The following LMBRD1 variants were observed in gnomAD, a reference collection of about 807,000 sequenced individuals.
LMBRD1 encodes the protein lysosomal cobalamin transport escort protein LMBD1.
A neutral mutation model predicts 74.8 loss-of-function variants in LMBRD1; 64 were observed. The ratio of observed to expected loss-of-function variants is 0.86; its 90% CI spans 0.70 to 1.05. The LOEUF (loss-of-function observed/expected upper bound fraction) is 1.05. Among genes scored for constraint, LMBRD1 ranks in the 50% least tolerant of loss-of-function variants. The pLI is 0.00. For missense variants in LMBRD1, 652 were observed against 645.9 expected (o/e 1.01, Z -0.10); for synonymous variants, 204 against 216.3 (o/e 0.94, Z 0.50).
intron 2 of LMBRD1, among the ~76,000 whole-genome samples, chr6:69,780,801 G>T (rs894643585): frequency 2.6e-5 from 4 of 152,186 alleles, no homozygotes; most frequent in African/African-American, 7.2e-5. Context: ...ATGAGGAATG[G>T]CTTCTCAAAA....
At chr6:69,794,509 A>G (rs890458657) in intron 1 of LMBRD1, among the ~76,000 whole-genome samples, 5 of 152,254 alleles carry the variant, frequency 3.3e-5, no homozygotes, top group Admixed American at 2.0e-4. Flanking sequence ...TTTTTACTTG[A>G]AAGAACAATT....
At chr6:69,703,368 A>C (rs1766175527) in intron 9 of LMBRD1, among the ~76,000 whole-genome samples, 1 of 151,924 alleles carries the variant, frequency 6.6e-6, no homozygotes, top group Non-Finnish European at 1.5e-5. Flanking sequence ...TAGCAGTATA[A>C]CTATGAAATG....
At chr6:69,677,429 T>C (rs1765570730) in intron 14 of LMBRD1, among the ~76,000 whole-genome samples, 3 of 152,160 alleles carry the variant, frequency 2.0e-5, no homozygotes, top group Admixed American at 2.0e-4. Context: ...TGGCTGGCTT[T>C]GGAAAAGTGG....
At chr6:69,679,066 A>G (rs967298269) in intron 14 of LMBRD1, among the ~76,000 whole-genome samples, 1 of 130,046 alleles carries the variant, frequency 7.7e-6, no homozygotes, top group African/African-American at 2.5e-5. Context: ...ACAAAAACAA[A>G]CAAACAAAAA....
At chr6:69,702,121 T>C (rs1766145698) in intron 9 of LMBRD1, among the ~76,000 whole-genome samples, 168 bp from the exon 10 acceptor site, 1 of 151,962 alleles carries the variant, frequency 6.6e-6, no homozygotes, top group African/African-American at 2.4e-5. Context: ...ACCTGAATTT[T>C]CATTATGAGA....
intron 2 of LMBRD1, among the ~76,000 whole-genome samples, chr6:69,789,768 A>G (rs1228208029): frequency 1.3e-5 from 2 of 152,206 alleles, no homozygotes; most frequent in Non-Finnish European, 2.9e-5. Context: ...AATTTAAAGG[A>G]AACTCAGAAA....
chr6:69,680,413 G>C (rs2149834313), intron 14 of LMBRD1, among the ~76,000 whole-genome samples: 1 of 152,178 alleles, frequency 6.6e-6, no homozygotes, highest in East Asian at 1.9e-4. Flanking sequence ...CCAGAACAGG[G>C]CTAACAAAAC....
At chr6:69,686,612 TTCTC>T (rs1479497029) in intron 14 of LMBRD1, among the ~76,000 whole-genome samples, 2 of 136,284 alleles carry the variant, frequency 1.5e-5, no homozygotes, top group Non-Finnish European at 3.3e-5. Flanking sequence ...CCTGACTCCC[TTCTC>T]TCTCTGTCTC....
chr6:69,701,123 GAGATA>G (rs909610040), intron 11 of LMBRD1, among the ~76,000 whole-genome samples: 12 of 151,810 alleles, frequency 7.9e-5, no homozygotes, highest in Admixed American at 2.0e-4. Flanking sequence ...ATTTATCTAT[GAGATA>G]AAAGACTTGA....
At chr6:69,716,790 A>T (rs1360203219) in intron 8 of LMBRD1, among the ~76,000 whole-genome samples, 1 of 151,876 alleles carries the variant, frequency 6.6e-6, no homozygotes, top group Non-Finnish European at 1.5e-5. Context: ...ACATTCTTAC[A>T]TACCTGGGTA....
Position 69,713,729 on chromosome 6 carries a change from T to C in LMBRD1, c.831A>G (p.Arg277=), listed in dbSNP as rs756642262. The C allele has an allele frequency of 6.2e-7, 1 of 1,613,782 alleles. No individual in the cohort carries two copies. Among genetic ancestry groups the C allele is most frequent in the Admixed American group, 1.7e-5 (1 of 59,942 alleles). The part of the protein sequence containing the change: ...RALKQFEERL[R]TLKKRERHLE... ...AATGCCTCTCTCTCTTCTTAAGTGT[T>C]CGTAACCTTTCTTCAAATTGTTTTA... Residue 277 remains arginine (R), a synonymous_variant, in exon 9 of 16, where the codon CGA becomes CGG. Coordinates refer to ENST00000649934, the MANE Select transcript of LMBRD1 (RefSeq NM_018368.4).
chr6:69,753,999 A>C (rs937263594), intron 3 of LMBRD1, among the ~76,000 whole-genome samples: 1 of 152,156 alleles, frequency 6.6e-6, no homozygotes, highest in South Asian at 2.1e-4. Context: ...AGATGAACTT[A>C]GCATAACCAG....
intron 1 of LMBRD1, among the ~76,000 whole-genome samples, chr6:69,794,690 C>T (rs538682621): frequency 6.6e-5 from 10 of 152,318 alleles, no homozygotes; most frequent in African/African-American, 2.4e-4. Flanking sequence ...ATGAGCTTGA[C>T]AACTCTTCAA....
At chr6:69,773,294 T>C (rs1765612985) in intron 3 of LMBRD1, among the ~76,000 whole-genome samples, 1 of 152,100 alleles carries the variant, frequency 6.6e-6, no homozygotes, top group Non-Finnish European at 1.5e-5. Context: ...AGGAAGGCCC[T>C]TACCAAATGC....
chr6:69,740,681 G>C (rs530897356), intron 6 of LMBRD1, among the ~76,000 whole-genome samples: 2 of 151,912 alleles, frequency 1.3e-5, no homozygotes, highest in Admixed American at 1.3e-4. Flanking sequence ...ATTGTACCTG[G>C]GTAAAAAGAA....
At chr6:69,712,485 C>A (rs1766405012) in intron 9 of LMBRD1, among the ~76,000 whole-genome samples, 1 of 150,926 alleles carries the variant, frequency 6.6e-6, no homozygotes, top group Non-Finnish European at 1.5e-5. Context: ...TTTTAACAAC[C>A]CATACAAATA....
At chr6:69,718,527 A>G (rs537495709) in intron 8 of LMBRD1, among the ~76,000 whole-genome samples, 2 of 152,290 alleles carry the variant, frequency 1.3e-5, no homozygotes, top group African/African-American at 4.8e-5. Flanking sequence ...TAAAGGAAAG[A>G]GGTTTGATTG....
intron 9 of LMBRD1, chr6:69,705,682 CA>C: frequency 1.1e-6 from 1 of 900,874 alleles, no homozygotes; most frequent in Non-Finnish European, 1.8e-6. Context: ...TCATCTTCAT[CA>C]GTAGCAAGTT....
chr6:69,765,771 T>C (rs1288491164), intron 3 of LMBRD1, among the ~76,000 whole-genome samples: 1 of 152,174 alleles, frequency 6.6e-6, no homozygotes, highest in Non-Finnish European at 1.5e-5. Context: ...GAATTGTTTA[T>C]TTAAATCTTC....
Sources: gnomAD v4.1 joint callset for allele counts (sites outside exome capture counted in the v4.1 genomes callset) on GRCh38, gnomAD v4.1.1 for gene constraint, MANE v1.5 for transcripts, NCBI Gene and HGNC (gene_info 2026-07-23, HGNC 2026-07-21) for gene names.